The following TRIP12 variants were observed in gnomAD, a reference collection of about 807,000 sequenced individuals.
TRIP12 encodes the protein thyroid hormone receptor interactor 12.
TRIP12 carries 25 observed loss-of-function variants against 244.2 expected under a neutral mutation model. That is an observed-to-expected ratio of 0.10 (90% CI 0.07 to 0.14). TRIP12 has a LOEUF of 0.14. Ranked by LOEUF, TRIP12 falls within the 10% of genes least tolerant of loss-of-function variation. The pLI is 1.00. For synonymous variants in TRIP12, 905 were observed against 873.1 expected (o/e 1.04, Z -0.64); for missense variants, 1,677 against 2,486.4 (o/e 0.67, Z 6.92).
chr2:229,903,473 G>C (rs2071673787), intron 1 of TRIP12, among the ~76,000 whole-genome samples: 1 of 151,992 alleles, frequency 6.6e-6, no homozygotes, highest in African/African-American at 2.4e-5. Context: ...TTAAGATCTA[G>C]AAGATGACGT....
intron 13 of TRIP12, among the ~76,000 whole-genome samples, chr2:229,813,149 C>A (rs1480828629): frequency 2.0e-5 from 3 of 152,112 alleles, no homozygotes; most frequent in Admixed American, 6.5e-5. Context: ...TTTTTCATTT[C>A]TGTTTGGGAC....
At chr2:229,858,030 T>C (rs1305244695) in intron 4 of TRIP12, among the ~76,000 whole-genome samples, 6 of 151,916 alleles carry the variant, frequency 3.9e-5, no homozygotes, top group Non-Finnish European at 8.8e-5. Context: ...TAGTAATAAC[T>C]TAATTCACTG....
intron 2 of TRIP12, among the ~76,000 whole-genome samples, chr2:229,879,088 G>A (rs1003857176): frequency 1.3e-5 from 2 of 151,908 alleles, no homozygotes; most frequent in Admixed American, 6.6e-5. Context: ...TCTTGTCTCT[G>A]TGTCTCAAAA....
chr2:229,776,709 T>C (rs571325704), intron 37 of TRIP12, among the ~76,000 whole-genome samples: 4 of 152,284 alleles, frequency 2.6e-5, no homozygotes, highest in Admixed American at 6.5e-5. Flanking sequence ...CACAAAAAAA[T>C]AGAATCTTGT....
At chr2:229,863,764 C>T (rs2060866542) in intron 2 of TRIP12, among the ~76,000 whole-genome samples, 1 of 152,166 alleles carries the variant, frequency 6.6e-6, no homozygotes, top group African/African-American at 2.4e-5. Context: ...TCACAGTATT[C>T]AGAGGTAAAG....
intron 1 of TRIP12, among the ~76,000 whole-genome samples, chr2:229,907,323 C>A (rs1487794808): frequency 6.6e-6 from 1 of 152,142 alleles, no homozygotes; most frequent in Non-Finnish European, 1.5e-5. Flanking sequence ...ATATTTTACA[C>A]AGTAACATGC....
chr2:229,787,790 T>C (rs560506284), intron 32 of TRIP12, 129 bp from the exon 33 acceptor site: 8 of 912,982 alleles, frequency 8.8e-6, no homozygotes, highest in Admixed American at 3.2e-5. Context: ...TCAGTAAAAA[T>C]TGTTTAGGTC....
chr2:229,801,289 C>G (rs1460587967), intron 21 of TRIP12, among the ~76,000 whole-genome samples: 1 of 152,230 alleles, frequency 6.6e-6, no homozygotes, highest in Non-Finnish European at 1.5e-5. Context: ...GAAGTTCAGT[C>G]TGCCAGAAGT....
intron 1 of TRIP12, among the ~76,000 whole-genome samples, chr2:229,887,200 T>A (rs1040916929): frequency 6.6e-6 from 1 of 152,184 alleles, no homozygotes; most frequent in Non-Finnish European, 1.5e-5. Flanking sequence ...GGCCAATCAT[T>A]AAGTGAATAA....
chr2:229,792,739 TCTA>T (rs1444019178), intron 27 of TRIP12, among the ~76,000 whole-genome samples: 1 of 152,186 alleles, frequency 6.6e-6, no homozygotes, highest in Non-Finnish European at 1.5e-5. Flanking sequence ...AAATGTCATT[TCTA>T]CTACATTTCA....
chr2:229,857,923 A>T (rs2059879166), intron 4 of TRIP12, among the ~76,000 whole-genome samples: 1 of 152,272 alleles, frequency 6.6e-6, no homozygotes, highest in African/African-American at 2.4e-5. Flanking sequence ...ATATAAGAGT[A>T]GTGAAACATA....
intron 18 of TRIP12, 60 bp from the exon 19 acceptor site, chr2:229,804,287 T>C: frequency 7.2e-7 from 1 of 1,384,780 alleles, no homozygotes; most frequent in Non-Finnish European, 9.9e-7. Context: ...AGAAACACAA[T>C]AAACAATATA....
chr2:229,792,024 C>T lies in TRIP12; in HGVS notation c.4257G>A (p.Leu1419=), dbSNP rs775671065. The T allele has an allele frequency of 4.5e-5, 73 of 1,614,012 alleles. No individual in the cohort carries two copies. Among genetic ancestry groups the T allele is most frequent in the Non-Finnish European group, 5.7e-5 (67 of 1,179,994 alleles). ...GCAAATGTTCTCCAATATAAAACTG[C>T]AGCCTGTGTCTTACATTTCCTGAAT... ...FLNSGNVRHR[L]QFYIGEHLLP... is the part of the protein sequence containing the mutation. The change falls in exon 29 of 42, where the codon CTG becomes CTA. Residue 1419 remains leucine (L), a synonymous_variant. Transcript: ENST00000675903.
At chr2:229,860,630 C>A in intron 2 of TRIP12, 99 bp from the exon 3 acceptor site, 3 of 1,139,996 alleles carry the variant, frequency 2.6e-6, no homozygotes, top group South Asian at 2.5e-5. Context: ...AAGCTTCCCA[C>A]AATTCATTGT....
chr2:229,774,405 G>A, intron 37 of TRIP12, 144 bp from the exon 38 acceptor site: 2 of 795,994 alleles, frequency 2.5e-6, no homozygotes, highest in Non-Finnish European at 3.8e-6. Context: ...TTTTTTCCTG[G>A]TCATAATCTA....
intron 1 of TRIP12, among the ~76,000 whole-genome samples, chr2:229,903,742 C>T (rs548159423): frequency 3.9e-5 from 6 of 151,990 alleles, no homozygotes; most frequent in East Asian, 3.9e-4. Context: ...TGGCCAGGCG[C>T]GGTGGCTCAT....
chr2:229,897,552 G>A (rs2069213828), intron 1 of TRIP12, among the ~76,000 whole-genome samples: 1 of 152,210 alleles, frequency 6.6e-6, no homozygotes. Flanking sequence ...GGAGGCTGAG[G>A]CAGGAGAATC....
At chr2:229,786,699 G>A (rs1329557962) in intron 33 of TRIP12, among the ~76,000 whole-genome samples, 1 of 151,356 alleles carries the variant, frequency 6.6e-6, no homozygotes, top group Non-Finnish European at 1.5e-5. Context: ...TTACAGGCAG[G>A]AGCCACCACA....
At chr2:229,840,407 AT>A (rs1168309224) in intron 5 of TRIP12, among the ~76,000 whole-genome samples, 1 of 152,178 alleles carries the variant, frequency 6.6e-6, no homozygotes, top group Non-Finnish European at 1.5e-5. Context: ...AATTTAAATA[AT>A]TTTTTAAAAA....
Sources: gnomAD v4.1 joint callset for allele counts (sites outside exome capture counted in the v4.1 genomes callset) on GRCh38, gnomAD v4.1.1 for gene constraint, MANE v1.5 for transcripts, NCBI Gene and HGNC (gene_info 2026-07-23, HGNC 2026-07-21) for gene names.